The following HAS3 variants were observed in gnomAD, a reference collection of about 807,000 sequenced individuals.
HAS3 encodes hyaluronan synthase 3, also known as HA synthase 3.
HAS3 carries 27 observed loss-of-function variants against 50.3 expected under a neutral mutation model. The observed-to-expected ratio is 0.54, with a 90% confidence interval of 0.40 to 0.74. The LOEUF is 0.74. Ranked by LOEUF, HAS3 falls within the 30% of genes least tolerant of loss-of-function variation. HAS3 has a pLI of 0.00. For synonymous variants in HAS3, 339 were observed against 310.9 expected, an observed-to-expected ratio of 1.09 and a Z score of -0.95; for missense variants, 517 against 742.8, an observed-to-expected ratio of 0.70 and a Z score of 3.53.
At chr16:69,108,432 C>A (rs1168518578) in intron 1 of HAS3, among the ~76,000 whole-genome samples, 2 of 152,304 alleles carry the variant, frequency 1.3e-5, no homozygotes, top group Middle Eastern at 3.4e-3. Context: ...AGTGCCAAGT[C>A]CTGGGCTGTT....
the HAS3 span, among the ~76,000 whole-genome samples, chr16:69,085,596 T>C: frequency 7.3e-5 from 11 of 151,400 alleles, no homozygotes; most frequent in Admixed American, 7.3e-4. Context: ...TTCTTTCTTT[T>C]TTTTTTTTTT....
chr16:69,107,267 G>C lies in HAS3; in HGVS notation c.-1+1480G>C. 4 of 919,860 alleles carry C rather than the reference G, an allele frequency of 4.3e-6. No homozygotes were observed. The highest frequency in any genetic ancestry group is 5.2e-6 in the Non-Finnish European group (4 of 770,064). 57.0% of individuals were successfully genotyped at this position (919,860 alleles called of 1,614,324 possible). ...ACATTTTGGGGGCCTCTATTTGGGG[G>C]TGGGGGTAGTAACCTGGGTAATGCC... On this transcript the variant is annotated intron_variant, in intron 1 of 3. Coordinates refer to ENST00000569188, the MANE Select transcript of HAS3 (RefSeq NM_001199280.2). The surrounding 1 kb of genome is among the most constrained non-coding windows in gnomAD (Gnocchi z 5.5).
chr16:69,096,592 A>G, the HAS3 span, among the ~76,000 whole-genome samples: 2 of 139,830 alleles, frequency 1.4e-5, no homozygotes, highest in African/African-American at 5.3e-5. Context: ...TTGGTGGCTC[A>G]CACCTGTAAT....
chr16:69,083,784 T>C, the HAS3 span: 1 of 1,140,860 alleles, frequency 8.8e-7, no homozygotes, highest in Non-Finnish European at 1.2e-6. Context: ...CTCGGGGTGG[T>C]TTTATGGTGC....
the HAS3 span, among the ~76,000 whole-genome samples, chr16:69,088,739 A>T: frequency 1.3e-5 from 2 of 152,186 alleles, no homozygotes. Context: ...GCACTAAAAT[A>T]ATGGGGAAAG....
the HAS3 span, among the ~76,000 whole-genome samples, chr16:69,091,811 T>C: frequency 6.6e-6 from 1 of 152,196 alleles, no homozygotes; most frequent in Non-Finnish European, 1.5e-5. Flanking sequence ...AAAAGAGGTT[T>C]CTCATCTCTG....
At chr16:69,095,443 G>C in the HAS3 span, among the ~76,000 whole-genome samples, 1 of 152,042 alleles carries the variant, frequency 6.6e-6, no homozygotes, top group Non-Finnish European at 1.5e-5. Flanking sequence ...AAATGCACTT[G>C]TAAGTCTCCG....
At position 69,114,541 on chromosome 16, in the gene HAS3, A is replaced by G; in HGVS notation, c.937A>G (p.Ser313Gly). 6.2e-7 allele frequency: 1 copy of G among 1,614,104 alleles called. No homozygotes were observed. Among genetic ancestry groups the G allele is most frequent in the Non-Finnish European group, 8.5e-7 (1 of 1,180,018 alleles). The change falls in exon 4 of 4, where the codon AGC (serine) becomes GGC (glycine). Residue 313 changes from serine to glycine, a missense_variant. Physicochemically the swap from Ser to Gly is moderately conservative, Grantham distance 56 (BLOSUM62 0). Coordinates refer to ENST00000569188, the MANE Select transcript of HAS3 (RefSeq NM_001199280.2). The surrounding 1 kb of genome is among the most constrained non-coding windows in gnomAD (Gnocchi z 6.4). The part of the protein sequence containing the change: ...YHQKFLGSKC[S>G]FGDDRHLTNR... Reference sequence around the variant, plus strand: ...TCAGAAGTTCCTAGGCAGCAAGTGCAGCTTCGGGGATGACCGGCACCTCAC... The same window carrying G: ...TCAGAAGTTCCTAGGCAGCAAGTGCGGCTTCGGGGATGACCGGCACCTCAC...
chr16:69,093,984 A>G, the HAS3 span, among the ~76,000 whole-genome samples: 1 of 152,200 alleles, frequency 6.6e-6, no homozygotes, highest in Non-Finnish European at 1.5e-5. Flanking sequence ...AGAGAGGTCA[A>G]TTATTGCAAA....
the HAS3 span, among the ~76,000 whole-genome samples, chr16:69,090,688 C>A: frequency 6.6e-6 from 1 of 152,148 alleles, no homozygotes; most frequent in African/African-American, 2.4e-5. Context: ...CTGCCTCAGC[C>A]TCCCGAGTAG....
At position 69,111,339 on chromosome 16, in the gene HAS3, T is replaced by C. The variant is rs917164128; in HGVS notation, c.636+1308T>C. Among the ~76,000 whole-genome samples the C allele has an allele frequency of 1.7e-4, 26 of 152,168 alleles. No individual in the cohort carries two copies. The Middle Eastern group carries it at 0.01, about 61-fold the overall frequency. On this transcript the variant is annotated intron_variant, in intron 2 of 3. Transcript: ENST00000569188. Reference sequence around the variant, plus strand: ...CACCCACCTTGGCCTCCCAAAGTGCTAGGATTACAGGCGTGAGCCACCGCA... The same window carrying C: ...CACCCACCTTGGCCTCCCAAAGTGCCAGGATTACAGGCGTGAGCCACCGCA...
the HAS3 span, among the ~76,000 whole-genome samples, chr16:69,091,913 C>G: frequency 6.6e-6 from 1 of 152,144 alleles, no homozygotes; most frequent in Non-Finnish European, 1.5e-5. Context: ...AGATTCAGGA[C>G]ATAAGGTCTG....
chr16:69,117,992 AAC>A (rs1961275122), downstream of HAS3: 4 of 275,976 alleles, frequency 1.4e-5, no homozygotes, highest in South Asian at 9.9e-5. Context: ...CAGGTAACAA[AAC>A]ACAGTGACAC....
downstream of HAS3, chr16:69,118,672 G>A (rs1438977685): frequency 4.4e-6 from 3 of 680,844 alleles, no homozygotes; most frequent in Non-Finnish European, 8.0e-6. Context: ...CAGTTCACAT[G>A]CCACAAATAA....
upstream of HAS3, among the ~76,000 whole-genome samples, chr16:69,105,311 T>C (rs952771426): frequency 2.0e-5 from 3 of 152,196 alleles, no homozygotes; most frequent in Non-Finnish European, 4.4e-5. Context: ...TTCTTGTCTC[T>C]GCTAACAACT....
Position 69,107,252 on chromosome 16 carries a change from G to T in HAS3, c.-1+1465G>T. On this transcript the variant is annotated intron_variant, in intron 1 of 3. Transcript: ENST00000569188. The surrounding 1 kb of genome is among the most constrained non-coding windows in gnomAD (Gnocchi z 5.5). ...GTATCTGGCTGAGGGACATTTTGGG[G>T]GCCTCTATTTGGGGGTGGGGGTAGT... The T allele has an allele frequency of 6.1e-6, 5 of 820,688 alleles. No homozygotes were observed. Among genetic ancestry groups the T allele is most frequent in the Non-Finnish European group, 7.4e-6 (5 of 679,528 alleles). The allele number at this position is 820,688 out of a possible 1,614,324, so 50.8% of individuals were successfully genotyped here.
chr16:69,117,576 C>CTTTT lies in HAS3; in HGVS notation c.*2323_*2326dup. The CTTTT allele has an allele frequency of 4.9e-5, 34 of 697,918 alleles. No homozygotes were observed. Among genetic ancestry groups the CTTTT allele is most frequent in the Non-Finnish European group, 5.9e-5 (34 of 574,800 alleles). 43.2% of individuals were successfully genotyped at this position (697,918 alleles called of 1,614,324 possible). A position where few individuals can be genotyped will look rare whatever the true frequency, so the allele number is the denominator to read the frequency against. ...TTGTAAACATATTTATTTTTACCTG[C>CTTTT]TTTTTTTTTTTTTTTTAATTTTCAG... On this transcript the variant is annotated 3_prime_UTR_variant, in exon 4 of 4. Transcript: ENST00000569188.
At chr16:69,095,673 T>C in the HAS3 span, among the ~76,000 whole-genome samples, 2 of 151,542 alleles carry the variant, frequency 1.3e-5, no homozygotes, top group African/African-American at 2.4e-5. Context: ...TACATTGGCT[T>C]ATCTGATGAG....
chr16:69,114,549 G>T lies in HAS3; in HGVS notation c.945G>T (p.Gly315=). The T allele has an allele frequency of 6.2e-7, 1 of 1,614,102 alleles. No individual in the cohort carries two copies. Among genetic ancestry groups the T allele is most frequent in the Non-Finnish European group, 8.5e-7 (1 of 1,180,018 alleles). Residue 315 remains glycine (G), a synonymous_variant, in exon 4 of 4, where the codon GGG becomes GGT. Coordinates refer to ENST00000569188, the MANE Select transcript of HAS3 (RefSeq NM_001199280.2). The surrounding 1 kb of genome is among the most constrained non-coding windows in gnomAD (Gnocchi z 6.4). ...QKFLGSKCSF[G]DDRHLTNRVL... ...TCCTAGGCAGCAAGTGCAGCTTCGGGGATGACCGGCACCTCACCAACCGAG... is the reference window on the plus strand; with the variant it reads ...TCCTAGGCAGCAAGTGCAGCTTCGGTGATGACCGGCACCTCACCAACCGAG...
Sources: gnomAD v4.1 joint callset for allele counts (sites outside exome capture counted in the v4.1 genomes callset) on GRCh38, gnomAD v4.1.1 for gene constraint, Gnocchi (gnomAD v3.1) non-coding constraint, MANE v1.5 for transcripts, NCBI Gene and HGNC (gene_info 2026-07-23, HGNC 2026-07-21) for gene names.